Variants in REPS2 observed in about 807,000 individuals in gnomAD.
REPS2 encodes RALBP1 associated Eps domain containing 2.
Under a neutral mutation model 53.6 loss-of-function variants are expected in REPS2, and 23 were observed. That is an observed-to-expected ratio of 0.43 (90% confidence interval 0.31 to 0.61). The LOEUF is 0.61. Among genes scored for constraint, REPS2 ranks in the 20% least tolerant of loss-of-function variants. The pLI, the probability that REPS2 is intolerant of heterozygous loss-of-function variation, is 0.11. For synonymous variants in REPS2, 238 were observed against 218.6 expected, an observed-to-expected ratio of 1.09 and a Z score of -0.78; for missense variants, 446 against 534.9, an observed-to-expected ratio of 0.83 and a Z score of 1.64.
intron 14 of REPS2, among the ~76,000 whole-genome samples, chrX:17,115,706 C>G (rs2148095027): frequency 8.9e-6 from 1 of 112,302 alleles, no homozygotes; most frequent in African/African-American, 3.2e-5. Context: ...TCCCTGGGTA[C>G]TTGAGATTAG....
intron 14 of REPS2, among the ~76,000 whole-genome samples, chrX:17,105,581 C>T (rs1324733130): frequency 8.9e-6 from 1 of 111,902 alleles, no homozygotes; most frequent in Admixed American, 9.5e-5. Flanking sequence ...TCTCTAGTCA[C>T]TGTTAATGAA....
At chrX:17,050,141 C>CCTTCCTTCCTTCCTTTCTTTCTTT (rs1555926667) in intron 6 of REPS2, among the ~76,000 whole-genome samples, 1 of 20,381 alleles carries the variant, frequency 4.9e-5, no homozygotes, top group Non-Finnish European at 9.1e-5. Flanking sequence ...TTCCTTTCTT[C>CCTTCCTTCCTTCCTTTCTTTCTTT]CTTTCTTTCT....
At chrX:17,118,184 C>T (rs2063088491) in intron 14 of REPS2, among the ~76,000 whole-genome samples, 1 of 107,827 alleles carries the variant, frequency 9.3e-6, no homozygotes, top group Admixed American at 9.8e-5. Context: ...TGGTCTCGAT[C>T]TCCTGACCTC....
intron 9 of REPS2, among the ~76,000 whole-genome samples, chrX:17,063,500 G>GC (rs2062184781): frequency 8.9e-6 from 1 of 111,739 alleles, no homozygotes; most frequent in Admixed American, 9.5e-5. Flanking sequence ...CCTTTCCAGT[G>GC]CCCCTCTGAC....
chrX:17,008,072 G>C (rs1247383314), intron 2 of REPS2, among the ~76,000 whole-genome samples: 1 of 112,130 alleles, frequency 8.9e-6, no homozygotes, highest in African/African-American at 3.2e-5. Flanking sequence ...GCATCTCTTG[G>C]TATGACAGAA....
intron 14 of REPS2, among the ~76,000 whole-genome samples, chrX:17,121,734 C>T (rs945712915): frequency 1.8e-5 from 2 of 109,665 alleles, no homozygotes; most frequent in African/African-American, 3.3e-5. Context: ...TTTTTTGAGA[C>T]GGAGTCTCAC....
chrX:17,147,498 G>A lies in REPS2; in HGVS notation c.*17G>A. 8.9e-7 allele frequency: 1 copy of A among 1,119,256 alleles called. No homozygotes were observed. Among genetic ancestry groups the A allele is most frequent in the South Asian group, 2.0e-5 (1 of 50,553 alleles). 92.2% of individuals were successfully genotyped at this position (1,119,256 alleles called of 1,213,427 possible). A position where few individuals can be genotyped will look rare whatever the true frequency, so the allele number is the denominator to read the frequency against. ...GTGTTGTGACCCCCCCATGGTTCAA[G>A]TGACAGTGGGTGACCTTGTCTGCCA... On this transcript the variant is annotated 3_prime_UTR_variant, in exon 18 of 18. Coordinates refer to ENST00000357277, the MANE Select transcript of REPS2 (RefSeq NM_004726.3).
At chrX:17,164,571 G>A in the REPS2 span, among the ~76,000 whole-genome samples, 1 of 111,965 alleles carries the variant, frequency 8.9e-6, no homozygotes, top group African/African-American at 3.2e-5. Context: ...TTGCCTAACA[G>A]CAGAGTCCTA....
At chrX:17,030,149 T>C (rs1383104675) in intron 5 of REPS2, among the ~76,000 whole-genome samples, 1 of 112,191 alleles carries the variant, frequency 8.9e-6, no homozygotes, top group Non-Finnish European at 1.9e-5. Context: ...AAAAGAAATA[T>C]TATGGCAAAA....
intron 14 of REPS2, among the ~76,000 whole-genome samples, chrX:17,105,030 C>T (rs921681207): frequency 9.7e-6 from 1 of 103,260 alleles, no homozygotes; most frequent in Non-Finnish European, 2.0e-5. Flanking sequence ...AATATTATCC[C>T]TTTTTTTTTT....
At chrX:16,959,585 T>C (rs762326051) in intron 1 of REPS2, among the ~76,000 whole-genome samples, 1 of 111,759 alleles carries the variant, frequency 8.9e-6, no homozygotes, top group East Asian at 2.8e-4. Flanking sequence ...TGCTTTATAA[T>C]GTTTGGGGGT....
intron 11 of REPS2, among the ~76,000 whole-genome samples, chrX:17,073,812 CCCCTTTCAA>C (rs1481549492): frequency 9.4e-6 from 1 of 106,403 alleles, no homozygotes; most frequent in African/African-American, 3.4e-5. Flanking sequence ...AAAAGACAAC[CCCCTTTCAA>C]GGGGGTTGTC....
chrX:17,178,348 C>T, the REPS2 span, among the ~76,000 whole-genome samples: 1 of 112,169 alleles, frequency 8.9e-6, no homozygotes, highest in Non-Finnish European at 1.9e-5. Context: ...TTGAACTGCT[C>T]CATTCTGTCA....
chrX:17,165,030 T>C, the REPS2 span, among the ~76,000 whole-genome samples: 2 of 105,161 alleles, frequency 1.9e-5, no homozygotes, highest in Admixed American at 1.0e-4. Context: ...TCCTAGACAT[T>C]CCACCACCAC....
chrX:16,964,436 C>A (rs1272450555), intron 1 of REPS2, among the ~76,000 whole-genome samples: 1 of 108,659 alleles, frequency 9.2e-6, no homozygotes, highest in Non-Finnish European at 1.9e-5. Flanking sequence ...CCTCTTTCCA[C>A]ACAGTCACGG....
chrX:17,077,134 A>T (rs987766910), intron 12 of REPS2, 137 bp from the exon 13 acceptor site: 1 of 621,264 alleles, frequency 1.6e-6, no homozygotes, highest in Non-Finnish European at 2.4e-6. Flanking sequence ...TCAATGGGTA[A>T]TAGAATTTAT....
rs1261154288 is a variant in REPS2 at position 17,149,120 on chromosome X, T to C, written c.*1639T>C. ...GATTTTGAATTGATTTTGAAAATCA[T>C]GAAACTTGAACTATTTTTCTATTCC... is the stretch of plus-strand genomic sequence containing the variant. On this transcript the variant is annotated 3_prime_UTR_variant, in exon 18 of 18. Transcript: ENST00000357277. 3.8e-6 allele frequency: 1 copy of C among 260,323 alleles called. No homozygotes were observed. The highest frequency in any genetic ancestry group is 2.8e-5 in the African/African-American group (1 of 35,755). 21.5% of individuals were successfully genotyped at this position (260,323 alleles called of 1,213,427 possible). A position where few individuals can be genotyped will look rare whatever the true frequency, so the allele number is the denominator to read the frequency against.
intron 13 of REPS2, among the ~76,000 whole-genome samples, chrX:17,089,866 C>T (rs985991120): frequency 1.8e-5 from 2 of 112,172 alleles, no homozygotes; most frequent in African/African-American, 6.5e-5. Flanking sequence ...TTTGTGTGAA[C>T]ATATGTTTCA....
chrX:17,108,685 G>T (rs1368938254), intron 14 of REPS2, among the ~76,000 whole-genome samples: 1 of 111,256 alleles, frequency 9.0e-6, no homozygotes, highest in Non-Finnish European at 1.9e-5. Context: ...GATAAATTGG[G>T]GTTCCCTGCA....
Sources: gnomAD v4.1 joint callset for allele counts (sites outside exome capture counted in the v4.1 genomes callset) on GRCh38, gnomAD v4.1.1 for gene constraint, MANE v1.5 for transcripts, NCBI Gene and HGNC (gene_info 2026-07-23, HGNC 2026-07-21) for gene names.